Variants in RNF4 observed in about 807,000 individuals in gnomAD.
RNF4 encodes ring finger protein 4.
A neutral mutation model predicts 24.3 loss-of-function variants in RNF4; 7 were observed. The observed-to-expected ratio is 0.29, with a 90% CI of 0.16 to 0.54. The LOEUF is 0.54. Among genes scored for constraint, RNF4 ranks in the 20% least tolerant of loss-of-function variants. The pLI is 0.95. For missense variants in RNF4, 209 were observed against 248.5 expected (o/e 0.84, Z 1.07); for synonymous variants, 83 against 84.3 (o/e 0.98, Z 0.09).
In RNF4 at chr4:2,512,691, TG is replaced by T. The variant is rs917408733; in HGVS notation, c.374+96del. ...CAGCAAATCTGTGAGCCCTTGGCCC[TG>T]GAAGGGCTTGCCCAAGCCTCTACCC... is the stretch of plus-strand genomic sequence containing the variant. On this transcript the variant is annotated intron_variant, in intron 6 of 7. Coordinates refer to ENST00000314289, the MANE Select transcript of RNF4 (RefSeq NM_002938.5). This position sits in a 1 kb window ranked among gnomAD's most constrained non-coding sequence, Gnocchi z 4.1. The T allele has an allele frequency of 2.1e-6, 3 of 1,428,056 alleles. No homozygotes were observed. The East Asian group carries it at 7.1e-5, about 34-fold the overall frequency. 88.5% of individuals were successfully genotyped at this position (1,428,056 alleles called of 1,614,324 possible).
intron 4 of RNF4, among the ~76,000 whole-genome samples, chr4:2,503,759 G>A (rs928934885): frequency 6.6e-6 from 1 of 152,184 alleles, no homozygotes; most frequent in Admixed American, 6.5e-5. Context: ...GGCTGCACCT[G>A]CAGGAGAGTA....
chr4:2,513,639 C>T, intron 7 of RNF4, 31 bp from the exon 8 acceptor site: 1 of 1,611,322 alleles, frequency 6.2e-7, no homozygotes, highest in Non-Finnish European at 8.5e-7. Context: ...CAAGGGCAAA[C>T]TCGGAGGCTC....
chr4:2,503,311 T>G (rs17132652), intron 4 of RNF4, among the ~76,000 whole-genome samples: 5,105 of 152,282 alleles, frequency 0.034, 303 homozygotes, highest in African/African-American at 0.12. Context: ...GGCTGTCTGG[T>G]TAACCTTTAT....
intron 2 of RNF4, among the ~76,000 whole-genome samples, chr4:2,492,271 C>G (rs1735605453): frequency 6.6e-6 from 1 of 152,108 alleles, no homozygotes; most frequent in Non-Finnish European, 1.5e-5. Flanking sequence ...TCTTGAACTC[C>G]TGGCTTCAAG....
At chr4:2,508,496 G>T (rs897195908) in intron 4 of RNF4, among the ~76,000 whole-genome samples, 11 of 152,196 alleles carry the variant, frequency 7.2e-5, no homozygotes, top group Non-Finnish European at 1.0e-4. Flanking sequence ...CTGGGTGGAG[G>T]GAACACCAGT....
chr4:2,497,189 G>C (rs749304774), intron 3 of RNF4, 68 bp downstream of exon 3: 2 of 1,223,620 alleles, frequency 1.6e-6, no homozygotes, highest in East Asian at 5.1e-5. Context: ...ACCAGGGTGA[G>C]CTAGTAGAAG....
chr4:2,489,049 G>C (rs964792702), intron 1 of RNF4, among the ~76,000 whole-genome samples: 1 of 151,520 alleles, frequency 6.6e-6, no homozygotes, highest in Admixed American at 6.6e-5. Flanking sequence ...CTGACCTCAG[G>C]TGATCCACCC....
intron 4 of RNF4, among the ~76,000 whole-genome samples, chr4:2,504,389 A>G (rs1192958451): frequency 6.6e-6 from 1 of 152,108 alleles, no homozygotes; most frequent in East Asian, 1.9e-4. Flanking sequence ...AATTTTAGCC[A>G]TTCTGATGCT....
chr4:2,472,601 TA>T (rs80169458), intron 1 of RNF4, among the ~76,000 whole-genome samples: 57,010 of 135,074 alleles, frequency 0.42, 12,247 homozygotes, highest in African/African-American at 0.54. Context: ...GCCAGTCTCT[TA>T]AAAAAAAAAA....
intron 3 of RNF4, 168 bp downstream of exon 3, chr4:2,497,289 T>A (rs541339923): frequency 3.7e-6 from 2 of 533,800 alleles, no homozygotes; most frequent in Admixed American, 7.3e-5. Flanking sequence ...GCTTCTCAAC[T>A]GGGCTAACTG....
intron 4 of RNF4, among the ~76,000 whole-genome samples, chr4:2,503,790 A>C (rs1286896623): frequency 6.6e-6 from 1 of 152,190 alleles, no homozygotes; most frequent in Non-Finnish European, 1.5e-5. Context: ...AAATGTATTC[A>C]TTCTGGAAGC....
chr4:2,495,274 C>T (rs1328974059), intron 2 of RNF4, among the ~76,000 whole-genome samples: 1 of 152,308 alleles, frequency 6.6e-6, no homozygotes, highest in Non-Finnish European at 1.5e-5. Flanking sequence ...CAGAATCAGG[C>T]TTATCCCTGT....
chr4:2,497,356 G>T, intron 3 of RNF4: 2 of 341,154 alleles, frequency 5.9e-6, no homozygotes, highest in Non-Finnish European at 5.3e-6. Flanking sequence ...AAAATCTAGC[G>T]CAAATGAGAT....
At chr4:2,506,969 C>A (rs577881679) in intron 4 of RNF4, among the ~76,000 whole-genome samples, 16 of 152,104 alleles carry the variant, frequency 1.1e-4, no homozygotes, top group Non-Finnish European at 1.9e-4. Context: ...TTTAAGGAAT[C>A]GAGATTCTTT....
At chr4:2,511,574 A>G (rs1297184812) in intron 4 of RNF4, among the ~76,000 whole-genome samples, 30 of 21,664 alleles carry the variant, frequency 1.4e-3, no homozygotes, top group Non-Finnish European at 2.0e-3. Flanking sequence ...CAGCCCCCAG[A>G]TAGTAAGGAA....
At chr4:2,494,373 CTTTTTTT>C (rs753327529) in intron 2 of RNF4, among the ~76,000 whole-genome samples, 2 of 98,232 alleles carry the variant, frequency 2.0e-5, no homozygotes, top group Non-Finnish European at 4.1e-5. Flanking sequence ...CAACTTAGAA[CTTTTTTT>C]TTTTTTTTTT....
chr4:2,489,800 C>G (rs1735527219), intron 1 of RNF4: 1 of 152,276 alleles, frequency 6.6e-6, no homozygotes, highest in Admixed American at 6.6e-5. Context: ...ATTTCTCTGC[C>G]TTTCCTCAAA....
At position 2,515,194 on chromosome 4, in the gene RNF4, T is replaced by C. The variant is rs1366813953; in HGVS notation, c.*1375T>C. 1.3e-5 allele frequency: 2 copies of C among 152,698 alleles called. No homozygotes were observed. Among genetic ancestry groups the C allele is most frequent in the Non-Finnish European group, 2.9e-5 (2 of 68,048 alleles). The allele number at this position is 152,698 out of a possible 1,614,324, so 9.5% of individuals were successfully genotyped here. A position where few individuals can be genotyped will look rare whatever the true frequency, so the allele number is the denominator to read the frequency against. ...TTCAGGGCGGGAAAGGGGCCACTTC[T>C]GGCTTTGTTAGCAATAACTGACCTT... On this transcript the variant is annotated 3_prime_UTR_variant, in exon 8 of 8. Coordinates refer to ENST00000314289, the MANE Select transcript of RNF4 (RefSeq NM_002938.5).
intron 1 of RNF4, chr4:2,470,980 T>C (rs1952847547): frequency 6.6e-6 from 1 of 150,672 alleles, no homozygotes; most frequent in Middle Eastern, 3.3e-3. Context: ...TTTTTTTTTT[T>C]TTTGAGGTGG....
Sources: gnomAD v4.1 joint callset for allele counts (sites outside exome capture counted in the v4.1 genomes callset) on GRCh38, gnomAD v4.1.1 for gene constraint, Gnocchi (gnomAD v3.1) non-coding constraint, MANE v1.5 for transcripts, NCBI Gene and HGNC (gene_info 2026-07-23, HGNC 2026-07-21) for gene names.